Variants in MAP3K20 observed in about 807,000 individuals in gnomAD.
MAP3K20 encodes the protein mitogen-activated protein kinase kinase kinase 20.
In MAP3K20, 40 loss-of-function variants were observed where a neutral mutation model predicts 85.7. The observed-to-expected ratio is 0.47, with a 90% CI of 0.36 to 0.61. The LOEUF (loss-of-function observed/expected upper bound fraction) is 0.61. Ranked by LOEUF, MAP3K20 falls within the 20% of genes least tolerant of loss-of-function variation. The pLI is 0.00. For synonymous variants in MAP3K20, 325 were observed against 327.7 expected (o/e 0.99, Z 0.09); for missense variants, 817 against 961.7 (o/e 0.85, Z 1.99).
At chr2:173,210,749 G>A (rs986910959) in intron 10 of MAP3K20, 1 of 152,068 alleles carries the variant, frequency 6.6e-6, no homozygotes. Flanking sequence ...CTCTGCTCCC[G>A]ATAGCCGTGG....
intron 2 of MAP3K20, among the ~76,000 whole-genome samples, chr2:173,116,903 CG>C (rs1688139184): frequency 6.6e-6 from 1 of 152,142 alleles, no homozygotes. Flanking sequence ...ATTTAAAAAT[CG>C]TATGATTTTA....
intron 2 of MAP3K20, among the ~76,000 whole-genome samples, chr2:173,158,045 G>C (rs1359152939): frequency 6.6e-6 from 1 of 152,158 alleles, no homozygotes. Flanking sequence ...CATACTACTT[G>C]TACTAAAAAC....
rs1230285380 is a variant in MAP3K20, at chr2:173,256,522, T to TAGACAGACAGAC, written c.1360-2174_1360-2173insCAGACAGACAGA. ...ATAGATAGATAGATAGATAGATAGA[T>TAGACAGACAGAC]AGATAGATAGACAGACAGACAGACA... On this transcript the variant is annotated intron_variant, in intron 16 of 19. Transcript: ENST00000375213. Among the ~76,000 whole-genome samples the TAGACAGACAGAC allele has an allele frequency of 4.5e-4, 34 of 76,352 alleles. No homozygotes were observed. The East Asian group carries it at 4.8e-3, about 11-fold the overall frequency. 50.1% of individuals were successfully genotyped at this position (76,352 alleles called of 152,430 possible). A position where few individuals can be genotyped will look rare whatever the true frequency, so the allele number is the denominator to read the frequency against.
intron 17 of MAP3K20, 41 bp downstream of exon 17, chr2:173,258,856 C>T: frequency 3.1e-6 from 4 of 1,271,862 alleles, no homozygotes; most frequent in Middle Eastern, 3.8e-4. Context: ...TTTGAATTCA[C>T]AGATATCAAA....
intron 5 of MAP3K20, among the ~76,000 whole-genome samples, chr2:173,189,478 G>A (rs55913048): frequency 0.29 from 44,207 of 152,004 alleles, 8,036 homozygotes; most frequent in Non-Finnish European, 0.41. Flanking sequence ...TCTGAGTCTT[G>A]CACTCCCATA....
intron 2 of MAP3K20, among the ~76,000 whole-genome samples, chr2:173,150,926 G>A (rs547845623): frequency 7.9e-5 from 12 of 152,264 alleles, no homozygotes; most frequent in Admixed American, 3.3e-4. Flanking sequence ...AAAACCATGC[G>A]CCTAGCATGT....
At chr2:173,222,493 T>A (rs1027857436) in intron 11 of MAP3K20, 3 of 985,698 alleles carry the variant, frequency 3.0e-6, no homozygotes, top group Non-Finnish European at 3.6e-6. Flanking sequence ...TGCTTGTGCT[T>A]TATACAAAGA....
At chr2:173,224,399 G>A (rs755325486) in intron 11 of MAP3K20, 49 of 985,194 alleles carry the variant, frequency 5.0e-5, no homozygotes, top group Admixed American at 1.2e-4. Flanking sequence ...AAATCCATAT[G>A]ATTATACATA....
At chr2:173,168,991 A>G (rs1184014209) in intron 2 of MAP3K20, among the ~76,000 whole-genome samples, 3 of 152,184 alleles carry the variant, frequency 2.0e-5, no homozygotes, top group Admixed American at 2.0e-4. Context: ...CTATCGAATC[A>G]CCACTGAAGG....
At chr2:173,197,910 T>G in intron 7 of MAP3K20, 116 bp from the exon 8 acceptor site, 1 of 691,844 alleles carries the variant, frequency 1.4e-6, no homozygotes, top group Non-Finnish European at 2.3e-6. Context: ...GTTTCTACAG[T>G]TGGGGTTGGT....
At chr2:173,090,203 G>A (rs1687253437) in intron 1 of MAP3K20, among the ~76,000 whole-genome samples, 1 of 152,146 alleles carries the variant, frequency 6.6e-6, no homozygotes, top group Admixed American at 6.5e-5. Context: ...TTGGCATACA[G>A]TGTTAACAAT....
intron 1 of MAP3K20, among the ~76,000 whole-genome samples, chr2:173,084,708 C>T (rs1191267093): frequency 6.6e-6 from 1 of 152,036 alleles, no homozygotes; most frequent in Non-Finnish European, 1.5e-5. Flanking sequence ...GAGAGCATAC[C>T]TGACCATAAA....
At chr2:173,188,948 G>A (rs1690570989) in intron 5 of MAP3K20, among the ~76,000 whole-genome samples, 1 of 152,108 alleles carries the variant, frequency 6.6e-6, no homozygotes, top group African/African-American at 2.4e-5. Flanking sequence ...TACAAAAGAG[G>A]AATGATTAAC....
chr2:173,221,586 G>GT (rs1204746164), intron 11 of MAP3K20: 1 of 1,447,242 alleles, frequency 6.9e-7, no homozygotes, highest in African/African-American at 1.4e-5. Context: ...AAAGTAACTT[G>GT]TTTATCTCAG....
chr2:173,167,324 A>C (rs1392937695), intron 2 of MAP3K20, among the ~76,000 whole-genome samples: 1 of 151,912 alleles, frequency 6.6e-6, no homozygotes, highest in African/African-American at 2.4e-5. Flanking sequence ...AGGTTTTAAT[A>C]ATTTGGTTAA....
chr2:173,188,942 A>G (rs1373844659), intron 5 of MAP3K20, among the ~76,000 whole-genome samples: 1 of 152,178 alleles, frequency 6.6e-6, no homozygotes, highest in Non-Finnish European at 1.5e-5. Flanking sequence ...ATCTTCTACA[A>G]AAGAGGAATG....
intron 2 of MAP3K20, among the ~76,000 whole-genome samples, chr2:173,128,869 T>C (rs1227152261): frequency 6.6e-6 from 1 of 151,950 alleles, no homozygotes; most frequent in Non-Finnish European, 1.5e-5. Context: ...ATATGAAATA[T>C]GCTCCTTCAA....
intron 16 of MAP3K20, among the ~76,000 whole-genome samples, chr2:173,245,546 A>G (rs1426750076): frequency 6.6e-6 from 1 of 152,230 alleles, no homozygotes; most frequent in Non-Finnish European, 1.5e-5. Flanking sequence ...TGATTAGACC[A>G]AAGGCTTCAC....
At chr2:173,248,362 C>T (rs535613078) in intron 16 of MAP3K20, among the ~76,000 whole-genome samples, 3 of 152,286 alleles carry the variant, frequency 2.0e-5, no homozygotes, top group South Asian at 2.1e-4. Flanking sequence ...AGGTTATATA[C>T]ATTAAATAGG....
Sources: gnomAD v4.1 joint callset for allele counts (sites outside exome capture counted in the v4.1 genomes callset) on GRCh38, gnomAD v4.1.1 for gene constraint, MANE v1.5 for transcripts, NCBI Gene and HGNC (gene_info 2026-07-23, HGNC 2026-07-21) for gene names.